Variants in PAG1 observed in about 807,000 individuals in gnomAD.
PAG1 encodes phosphoprotein membrane anchor with glycosphingolipid microdomains 1.
A neutral mutation model predicts 31.7 loss-of-function variants in PAG1; 23 were observed. The ratio of observed to expected loss-of-function variants is 0.73; its 90% CI spans 0.52 to 1.03. The LOEUF is 1.03. Ranked by LOEUF, PAG1 falls within the 50% of genes least tolerant of loss-of-function variation. The pLI, the probability that PAG1 is intolerant of heterozygous loss-of-function variation, is 0.00. For missense variants in PAG1, 473 were observed against 540.7 expected, an observed-to-expected ratio of 0.87 and a Z score of 1.24; for synonymous variants, 214 against 210.3, an observed-to-expected ratio of 1.02 and a Z score of -0.15.
chr8:81,098,637 G>A (rs999484304), intron 1 of PAG1, among the ~76,000 whole-genome samples: 21 of 152,130 alleles, frequency 1.4e-4, no homozygotes, highest in Admixed American at 4.6e-4. Flanking sequence ...CTTGGGCCCC[G>A]GGGCTGGTGC....
intron 2 of PAG1, among the ~76,000 whole-genome samples, chr8:81,068,126 G>A (rs1586200032): frequency 1.3e-5 from 2 of 152,084 alleles, no homozygotes; most frequent in Non-Finnish European, 2.9e-5. Context: ...CGAACTCCTG[G>A]CCTCAAGTGA....
intron 1 of PAG1, among the ~76,000 whole-genome samples, chr8:81,077,493 T>G (rs1809197955): frequency 6.6e-6 from 1 of 152,238 alleles, no homozygotes; most frequent in African/African-American, 2.4e-5. Flanking sequence ...TTTGTTTGCC[T>G]CAGTCTTTAT....
chr8:81,070,232 A>G (rs370413703), intron 1 of PAG1, 62 bp from the exon 2 acceptor site: 1 of 152,258 alleles, frequency 6.6e-6, no homozygotes, highest in Admixed American at 6.5e-5. Context: ...AACTGCAACA[A>G]TTAAGAGTAA....
intron 1 of PAG1, among the ~76,000 whole-genome samples, chr8:81,099,492 G>C (rs1396234900): frequency 6.6e-6 from 1 of 152,136 alleles, no homozygotes; most frequent in Non-Finnish European, 1.5e-5. Context: ...CGATAACTAA[G>C]AGTCCCTGAA....
chr8:81,028,110 G>A (rs1438189526), intron 3 of PAG1, among the ~76,000 whole-genome samples: 1 of 152,088 alleles, frequency 6.6e-6, no homozygotes, highest in Non-Finnish European at 1.5e-5. Flanking sequence ...AGACACCTGG[G>A]GCTATCAGGG....
At chr8:81,026,893 G>A (rs1409036500) in intron 3 of PAG1, among the ~76,000 whole-genome samples, 2 of 152,142 alleles carry the variant, frequency 1.3e-5, no homozygotes, top group African/African-American at 4.8e-5. Flanking sequence ...AAAACTGCTT[G>A]AAAAACAGAC....
chr8:81,106,819 A>T (rs907375120), intron 1 of PAG1, among the ~76,000 whole-genome samples: 9 of 152,170 alleles, frequency 5.9e-5, no homozygotes, highest in Non-Finnish European at 1.3e-4. Flanking sequence ...TGATACAGAC[A>T]TGGACGATTT....
chr8:81,074,166 T>C (rs558643308), intron 1 of PAG1, among the ~76,000 whole-genome samples: 2 of 152,202 alleles, frequency 1.3e-5, no homozygotes, highest in South Asian at 4.2e-4. Flanking sequence ...AGCAGAACAA[T>C]GGACAGAATA....
At chr8:81,055,317 G>A (rs1253509488) in intron 2 of PAG1, among the ~76,000 whole-genome samples, 3 of 152,026 alleles carry the variant, frequency 2.0e-5, no homozygotes, top group Non-Finnish European at 4.4e-5. Flanking sequence ...TCAGGAAGAG[G>A]AACTGATTTC....
At chr8:81,107,027 T>A (rs936557826) in intron 1 of PAG1, among the ~76,000 whole-genome samples, 1 of 152,020 alleles carries the variant, frequency 6.6e-6, no homozygotes, top group Non-Finnish European at 1.5e-5. Flanking sequence ...CCCAAGAAAA[T>A]GTCAGGTCTC....
chr8:81,050,160 G>A (rs747811282), intron 2 of PAG1, among the ~76,000 whole-genome samples: 7 of 152,070 alleles, frequency 4.6e-5, no homozygotes, highest in Admixed American at 2.6e-4. Context: ...ACTTAAACAC[G>A]TTTCATTGCT....
At chr8:81,108,634 ACTAT>A (rs1809729801) in intron 1 of PAG1, among the ~76,000 whole-genome samples, 2 of 151,998 alleles carry the variant, frequency 1.3e-5, no homozygotes, top group Non-Finnish European at 2.9e-5. Flanking sequence ...AGGCGAGAAC[ACTAT>A]CTAGTATTTG....
intron 2 of PAG1, among the ~76,000 whole-genome samples, chr8:81,051,947 G>A (rs7819851): frequency 0.13 from 19,184 of 151,382 alleles, 2,160 homozygotes; most frequent in African/African-American, 0.31. Context: ...TGGCTAACAC[G>A]GTGAAACCCC....
At chr8:80,978,823 G>T (rs1396001800) in intron 8 of PAG1, among the ~76,000 whole-genome samples, 1 of 152,028 alleles carries the variant, frequency 6.6e-6, no homozygotes, top group African/African-American at 2.4e-5. Flanking sequence ...TTTGTATACA[G>T]GTTTCTCTTC....
chr8:81,041,061 C>G (rs141214510), intron 2 of PAG1, among the ~76,000 whole-genome samples: 2 of 152,172 alleles, frequency 1.3e-5, no homozygotes, highest in Non-Finnish European at 1.5e-5. Flanking sequence ...GTTTCCACAT[C>G]GATCTGCCAA....
chr8:81,056,508 G>C (rs923227112), intron 2 of PAG1, among the ~76,000 whole-genome samples: 1 of 152,084 alleles, frequency 6.6e-6, no homozygotes, highest in South Asian at 2.1e-4. Flanking sequence ...GGGAAAACTG[G>C]CTAGCCATAT....
intron 1 of PAG1, among the ~76,000 whole-genome samples, chr8:81,071,730 C>T (rs1359993513): frequency 6.6e-6 from 1 of 152,128 alleles, no homozygotes; most frequent in African/African-American, 2.4e-5. Flanking sequence ...TTCAGGAGCC[C>T]AAGTTACAAG....
intron 2 of PAG1, among the ~76,000 whole-genome samples, chr8:81,038,939 A>C (rs955718420): frequency 9.9e-5 from 15 of 152,226 alleles, no homozygotes; most frequent in African/African-American, 3.6e-4. Context: ...ATAGTCAAGG[A>C]GATTCACTTG....
At position 80,972,939 on chromosome 8, in the gene PAG1, A is replaced by ATGTGTGTGTGTGTGTG. The variant is rs571519987; in HGVS notation, c.*3604_*3605insCACACACACACACACA. On this transcript the variant is annotated 3_prime_UTR_variant, in exon 9 of 9. Transcript: ENST00000220597. ...CAAGTATATACACACACACACGTAT[A>ATGTGTGTGTGTGTGTG]CGTGTGTGTGTGTGTGTGTGTGTGT... 6.5e-5 allele frequency: 9 copies of ATGTGTGTGTGTGTGTG among 138,676 alleles called. No homozygotes were observed. Among genetic ancestry groups the ATGTGTGTGTGTGTGTG allele is most frequent in the Middle Eastern group, 3.7e-3 (1 of 272 alleles). 8.6% of individuals were successfully genotyped at this position (138,676 alleles called of 1,614,324 possible). A position where few individuals can be genotyped will look rare whatever the true frequency, so the allele number is the denominator to read the frequency against.
Sources: gnomAD v4.1 joint callset for allele counts (sites outside exome capture counted in the v4.1 genomes callset) on GRCh38, gnomAD v4.1.1 for gene constraint, MANE v1.5 for transcripts, NCBI Gene and HGNC (gene_info 2026-07-23, HGNC 2026-07-21) for gene names.